The following PPP1R12B variants were observed in gnomAD, a reference collection of about 807,000 sequenced individuals.
The protein encoded by PPP1R12B is myosin phosphatase target subunit 2.
Under a neutral mutation model 126.1 loss-of-function variants are expected in PPP1R12B, and 76 were observed. The ratio of observed to expected loss-of-function variants is 0.60; its 90% CI spans 0.50 to 0.73. PPP1R12B has a LOEUF of 0.73. Among genes scored for constraint, PPP1R12B ranks in the 30% least tolerant of loss-of-function variants. PPP1R12B has a pLI of 0.00. For synonymous variants in PPP1R12B, 356 were observed against 434.7 expected (o/e 0.82, Z 2.25); for missense variants, 1,052 against 1,205.1 (o/e 0.87, Z 1.88).
At position 202,461,819 on chromosome 1, in the gene PPP1R12B, C is replaced by T. The variant is rs181151667; in HGVS notation, c.1850+12648C>T. Reference sequence around the variant, plus strand: ...CTTCTTATGCCTTTTCTCCCCTCACCAAGCAGTGTCCAGGAATCTAAGCAT... The same window carrying T: ...CTTCTTATGCCTTTTCTCCCCTCACTAAGCAGTGTCCAGGAATCTAAGCAT... On this transcript the variant is annotated intron_variant, in intron 13 of 23. Coordinates refer to ENST00000608999, the MANE Select transcript of PPP1R12B (RefSeq NM_002481.4). Among the ~76,000 whole-genome samples the T allele has an allele frequency of 2.2e-3, 340 of 152,214 alleles. 1 individual carries two copies. Among genetic ancestry groups the T allele is most frequent in the African/African-American group, 7.9e-3 (328 of 41,528 alleles).
intron 1 of PPP1R12B, among the ~76,000 whole-genome samples, chr1:202,385,345 T>C (rs887429417): frequency 1.3e-5 from 2 of 152,196 alleles, no homozygotes; most frequent in African/African-American, 4.8e-5. Flanking sequence ...TCCCAGTGGC[T>C]TCTTCTTAGT....
At chr1:202,415,636 A>G (rs565042572) in intron 1 of PPP1R12B, among the ~76,000 whole-genome samples, 41 of 152,088 alleles carry the variant, frequency 2.7e-4, no homozygotes, top group Admixed American at 1.9e-3. Context: ...TTTAGATCTC[A>G]TTGCTGTTTG....
intron 1 of PPP1R12B, among the ~76,000 whole-genome samples, chr1:202,363,634 T>A (rs1308992660): frequency 6.6e-6 from 1 of 152,224 alleles, no homozygotes; most frequent in Non-Finnish European, 1.5e-5. Context: ...TAGGACCACT[T>A]GAAAGTACAG....
intron 1 of PPP1R12B, among the ~76,000 whole-genome samples, chr1:202,380,026 C>T (rs978434306): frequency 6.6e-6 from 1 of 152,124 alleles, no homozygotes; most frequent in African/African-American, 2.4e-5. Context: ...CCTGTCTTAC[C>T]AGTTTTTTTC....
intron 1 of PPP1R12B, among the ~76,000 whole-genome samples, chr1:202,367,014 G>A (rs1659358762): frequency 6.6e-6 from 1 of 152,064 alleles, no homozygotes; most frequent in African/African-American, 2.4e-5. Flanking sequence ...TTATAATTAG[G>A]AAGTTTATGT....
intron 2 of PPP1R12B, among the ~76,000 whole-genome samples, chr1:202,422,015 T>C (rs1668854787): frequency 6.6e-6 from 1 of 152,236 alleles, no homozygotes. Context: ...GTGAAAGCAC[T>C]CTGAAAATCA....
intron 13 of PPP1R12B, among the ~76,000 whole-genome samples, chr1:202,480,984 G>A (rs960278608): frequency 6.6e-5 from 10 of 152,180 alleles, no homozygotes; most frequent in African/African-American, 2.4e-4. Context: ...GGGGCATGGG[G>A]TGTGGGGGGC....
chr1:202,515,924 C>G (rs1042858302), intron 18 of PPP1R12B, among the ~76,000 whole-genome samples: 1 of 152,110 alleles, frequency 6.6e-6, no homozygotes, highest in African/African-American at 2.4e-5. Flanking sequence ...TTTCTATAGC[C>G]AGAAATTAGA....
At chr1:202,467,021 TCTC>T (rs1331161338) in intron 13 of PPP1R12B, among the ~76,000 whole-genome samples, 3 of 152,076 alleles carry the variant, frequency 2.0e-5, no homozygotes, top group East Asian at 1.9e-4. Flanking sequence ...AATTCCATCT[TCTC>T]CTCTCTTTCT....
intron 1 of PPP1R12B, among the ~76,000 whole-genome samples, chr1:202,356,430 T>C (rs1657111387): frequency 6.6e-6 from 1 of 152,058 alleles, no homozygotes; most frequent in African/African-American, 2.4e-5. Context: ...TGTTGGAAGA[T>C]GTGGTAGGCT....
At position 202,362,354 on chromosome 1, in the gene PPP1R12B, A is replaced by G. The variant is rs190111632; in HGVS notation, c.291+13212A>G. Among the ~76,000 whole-genome samples, 203 of 152,332 alleles carry G rather than the reference A, an allele frequency of 1.3e-3. 2 individuals carry two copies. Among genetic ancestry groups the G allele is most frequent in the African/African-American group, 4.5e-3 (187 of 41,580 alleles). ...TTATAAATCACTAGGGGTAATGGAA[A>G]GTGATTCTGAAGGATGACCAGGATT... On this transcript the variant is annotated intron_variant, in intron 1 of 23. Transcript: ENST00000608999.
intron 12 of PPP1R12B, among the ~76,000 whole-genome samples, chr1:202,444,226 C>T (rs918424333): frequency 1.3e-5 from 2 of 152,142 alleles, no homozygotes; most frequent in African/African-American, 2.4e-5. Flanking sequence ...GCAGAAATTC[C>T]TTTCATATGG....
chr1:202,579,011 T>C (rs1432103750), intron 23 of PPP1R12B, among the ~76,000 whole-genome samples: 2 of 152,238 alleles, frequency 1.3e-5, no homozygotes, highest in East Asian at 3.8e-4. Context: ...TATGGCACTT[T>C]TCATTTCCCC....
chr1:202,563,915 A>G (rs1281460892), intron 20 of PPP1R12B, among the ~76,000 whole-genome samples: 1 of 152,252 alleles, frequency 6.6e-6, no homozygotes. Context: ...CAAAAAATTG[A>G]AAAATTAGCT....
intron 14 of PPP1R12B, among the ~76,000 whole-genome samples, chr1:202,492,719 A>T (rs705741): frequency 0.9 from 136,950 of 152,114 alleles, 61,797 homozygotes; most frequent in African/African-American, 0.97. Context: ...TTAAGTGAAT[A>T]TTTTTCCCCA....
At chr1:202,355,060 C>T (rs1656815833) in intron 1 of PPP1R12B, among the ~76,000 whole-genome samples, 1 of 151,718 alleles carries the variant, frequency 6.6e-6, no homozygotes, top group African/African-American at 2.4e-5. Context: ...AGATCGAGAC[C>T]ATCCTAGCTA....
intron 18 of PPP1R12B, among the ~76,000 whole-genome samples, chr1:202,551,611 C>A (rs1447689649): frequency 6.6e-6 from 1 of 151,996 alleles, no homozygotes; most frequent in Admixed American, 6.6e-5. Flanking sequence ...GTAGAACCCA[C>A]GTATATGACA....
chr1:202,567,971 T>C, intron 22 of PPP1R12B, 140 bp downstream of exon 22: 1 of 1,044,578 alleles, frequency 9.6e-7, no homozygotes, highest in Non-Finnish European at 1.4e-6. Flanking sequence ...AGCTTGATGA[T>C]AAATTCTTTT....
chr1:202,457,245 G>A lies in PPP1R12B; in HGVS notation c.1850+8074G>A, dbSNP rs10920407. ...CCAGGCACAGAGACATTAAGGATAC[G>A]AGACCAAAGAAAACATTTTTTTGGC... On this transcript the variant is annotated intron_variant, in intron 13 of 23. Coordinates refer to ENST00000608999, the MANE Select transcript of PPP1R12B (RefSeq NM_002481.4). Among the ~76,000 whole-genome samples the A allele has an allele frequency of 8.2e-3, 1,255 of 152,272 alleles. 55 individuals carry two copies. Among genetic ancestry groups the A allele is most frequent in the East Asian group, 0.068 (353 of 5,188 alleles).
Sources: allele counts gnomAD v4.1 joint callset (sites outside exome capture counted in the v4.1 genomes callset), GRCh38; gene constraint gnomAD v4.1.1; transcripts MANE v1.5; gene names NCBI Gene and HGNC (gene_info 2026-07-23, HGNC 2026-07-21).